The following SRGAP3 variants were observed in gnomAD, a reference collection of about 807,000 sequenced individuals.
SRGAP3 encodes SLIT-ROBO Rho GTPase-activating protein 3.
SRGAP3 carries 39 observed loss-of-function variants against 121.1 expected under a neutral mutation model. That is an observed-to-expected ratio of 0.32 (90% CI 0.25 to 0.42). SRGAP3 has a LOEUF of 0.42. SRGAP3 is among the 10% of genes least tolerant of loss of function. The pLI, the probability that SRGAP3 is intolerant of heterozygous loss-of-function variation, is 1.00. For synonymous variants in SRGAP3, 601 were observed against 570.0 expected (o/e 1.05, Z -0.77); for missense variants, 1,213 against 1,470.6 (o/e 0.82, Z 2.86).
intron 18 of SRGAP3, chr3:9,008,457 G>C (rs185475244): frequency 6.6e-6 from 1 of 152,430 alleles, no homozygotes. Flanking sequence ...GAGAGAGAGA[G>C]AGAGAGCAAG....
chr3:9,057,227 C>T (rs778298716), intron 7 of SRGAP3, among the ~76,000 whole-genome samples: 3 of 152,162 alleles, frequency 2.0e-5, no homozygotes, highest in Non-Finnish European at 4.4e-5. Context: ...CGCCTTCCAC[C>T]TTTCATGTGG....
At chr3:9,245,259 C>T (rs1953778060) in intron 1 of SRGAP3, among the ~76,000 whole-genome samples, 2 of 152,212 alleles carry the variant, frequency 1.3e-5, no homozygotes, top group South Asian at 2.1e-4. Context: ...TTAGACAGAA[C>T]ATGTACTCTG....
rs2030503026 is a variant in SRGAP3, at chr3:9,356,291, A to AAGCAATCCTCCCACTC, written n.214+6548_214+6549insGAGTGGGAGGATTGCT. Among the ~76,000 whole-genome samples, 4 of 144,932 alleles carry AAGCAATCCTCCCACTC rather than the reference A, an allele frequency of 2.8e-5. No homozygotes were observed. The South Asian group carries it at 8.6e-4, about 31-fold the overall frequency. ...ACTGCAACCTCCACCTCCCAGGCTC[A>AAGCAATCCTCCCACTC]AGCAATCCTCCCACCTCACCCTCCT... On this transcript the variant is annotated intron_variant and non_coding_transcript_variant, in intron 1 of 3. Coordinates refer to the SRGAP3 transcript ENST00000490889.
intron 3 of SRGAP3, among the ~76,000 whole-genome samples, chr3:9,266,511 T>C (rs946835153): frequency 2.6e-5 from 4 of 152,254 alleles, no homozygotes; most frequent in East Asian, 1.9e-4. Context: ...GCCTGACATA[T>C]AATAGGTGAT....
intron 11 of SRGAP3, chr3:9,035,372 G>C (rs1189801515): frequency 5.9e-6 from 1 of 168,942 alleles, no homozygotes; most frequent in Non-Finnish European, 1.3e-5. Flanking sequence ...GCCCAATCCA[G>C]AAAGCAAAGG....
chr3:9,048,768 G>T (rs920851495), intron 9 of SRGAP3, among the ~76,000 whole-genome samples: 3 of 152,182 alleles, frequency 2.0e-5, no homozygotes, highest in Non-Finnish European at 4.4e-5. Flanking sequence ...AGGCTGTAGT[G>T]AGCTATGTTC....
intron 20 of SRGAP3, among the ~76,000 whole-genome samples, chr3:8,991,447 C>T (rs544102611): frequency 8.3e-4 from 127 of 152,258 alleles, no homozygotes; most frequent in African/African-American, 3.0e-3. Context: ...CCCTTTTGTG[C>T]ATTTGGTACC....
chr3:9,251,837 G>C (rs1954026012), upstream of SRGAP3, among the ~76,000 whole-genome samples: 1 of 152,156 alleles, frequency 6.6e-6, no homozygotes, highest in African/African-American at 2.4e-5. Context: ...TTCTGGCTCT[G>C]CTGTGCACCA....
At chr3:9,113,290 G>C (rs550888068) in intron 2 of SRGAP3, among the ~76,000 whole-genome samples, 1 of 152,164 alleles carries the variant, frequency 6.6e-6, no homozygotes, top group South Asian at 2.1e-4. Flanking sequence ...TGTGAAGGAG[G>C]ATCTGTCCCA....
intron 3 of SRGAP3, among the ~76,000 whole-genome samples, chr3:9,278,037 G>A (rs1054622963): frequency 5.9e-5 from 9 of 152,280 alleles, no homozygotes; most frequent in African/African-American, 1.7e-4. Flanking sequence ...CACCAGACAC[G>A]GAATCTGCAG....
At chr3:9,058,167 A>T in intron 7 of SRGAP3, 84 bp downstream of exon 7, 1 of 1,452,948 alleles carries the variant, frequency 6.9e-7, no homozygotes, top group Non-Finnish European at 9.7e-7. Context: ...AACTTTCTGT[A>T]CGTGCAACCA....
At position 8,985,844 on chromosome 3, in the gene SRGAP3, A is replaced by C; in HGVS notation, c.2975T>G (p.Leu992Arg). The C allele has an allele frequency of 6.2e-7, 1 of 1,600,356 alleles. No homozygotes were observed. Among genetic ancestry groups the C allele is most frequent in the Non-Finnish European group, 8.5e-7 (1 of 1,179,914 alleles). The change falls in exon 22 of 22, where the codon CTG becomes CGG. Residue 992 changes from leucine (L) to arginine (R), a missense_variant. Physicochemically the swap from Leu to Arg is moderately radical, Grantham distance 102 (BLOSUM62 -2). Around this residue, in one of 2 missense-constraint regions of SRGAP3, gnomAD observed 420 missense variants for 437.7 expected, o/e 0.96. Transcript: ENST00000383836. The surrounding 1 kb of genome is among the most constrained non-coding windows in gnomAD (Gnocchi z 5.1). ...GTTCTTCAGGGGCTCCAGGGTGTCC[A>C]GCACCACATCTGGCGCCTGCTTGAC... is the stretch of plus-strand genomic sequence containing the variant. Reference protein sequence around the residue: ...NTVKQAPDVVLDTLEPLKNPP... With the variant: ...NTVKQAPDVVRDTLEPLKNPP...
At chr3:8,995,854 ACT>A (rs1491400950) in intron 18 of SRGAP3, among the ~76,000 whole-genome samples, 1 of 152,188 alleles carries the variant, frequency 6.6e-6, no homozygotes, top group Non-Finnish European at 1.5e-5. Context: ...TATAATTCTT[ACT>A]TTTTTTTATT....
At chr3:9,185,105 G>A (rs1951554411) in intron 1 of SRGAP3, among the ~76,000 whole-genome samples, 1 of 152,144 alleles carries the variant, frequency 6.6e-6, no homozygotes, top group Non-Finnish European at 1.5e-5. Flanking sequence ...TAGAGTCTTC[G>A]GTCTTCCCAC....
intron 18 of SRGAP3, among the ~76,000 whole-genome samples, chr3:9,006,014 C>T (rs909111293): frequency 6.6e-6 from 1 of 152,236 alleles, no homozygotes; most frequent in Admixed American, 6.5e-5. Context: ...TGCCGCAAGC[C>T]AGTTTACCAT....
chr3:9,297,726 T>G (rs2648565), intron 3 of SRGAP3, among the ~76,000 whole-genome samples: 5,711 of 152,046 alleles, frequency 0.038, 146 homozygotes, highest in Non-Finnish European at 0.056. Flanking sequence ...TGAAACCCCA[T>G]CTCTACTAAA....
intron 3 of SRGAP3, among the ~76,000 whole-genome samples, chr3:9,086,042 C>T (rs1947455935): frequency 1.3e-5 from 2 of 152,210 alleles, no homozygotes; most frequent in East Asian, 1.9e-4. Context: ...CACAGCTCGA[C>T]CTTACCCTGC....
intron 1 of SRGAP3, among the ~76,000 whole-genome samples, chr3:9,194,694 G>A (rs1053717957): frequency 6.6e-6 from 1 of 152,222 alleles, no homozygotes; most frequent in Non-Finnish European, 1.5e-5. Context: ...GCAAGATAGT[G>A]CCAAAGTCAA....
At chr3:9,186,600 A>G (rs1027861373) in intron 1 of SRGAP3, among the ~76,000 whole-genome samples, 7 of 152,312 alleles carry the variant, frequency 4.6e-5, no homozygotes, top group Non-Finnish European at 1.0e-4. Flanking sequence ...TCTTGTAGAT[A>G]GGGAACCTGA....
Sources: gnomAD v4.1 joint callset for allele counts (sites outside exome capture counted in the v4.1 genomes callset) on GRCh38, gnomAD v4.1.1 for gene constraint, gnomAD v4.1.1 regional missense constraint, Gnocchi (gnomAD v3.1) non-coding constraint, MANE v1.5 for transcripts, NCBI Gene and HGNC (gene_info 2026-07-23, HGNC 2026-07-21) for gene names.